Variants in C10orf53 observed in about 807,000 individuals in gnomAD.
The protein encoded by C10orf53 is chromosome 10 open reading frame 53, also known as UPF0728 protein C10orf53.
In C10orf53, 8 loss-of-function variants were observed where a neutral mutation model predicts 9.4. The ratio of observed to expected loss-of-function variants is 0.85; its 90% confidence interval spans 0.50 to 1.53. The LOEUF (loss-of-function observed/expected upper bound fraction) is 1.53. Among genes scored for constraint, C10orf53 ranks in the 40% most tolerant of loss-of-function variants. The pLI is 0.00. For missense variants in C10orf53, 117 were observed against 117.8 expected (o/e 0.99, Z 0.03); for synonymous variants, 48 against 46.0 (o/e 1.04, Z -0.18).
chr10:49,699,434 A>G (rs896588564), downstream of C10orf53, among the ~76,000 whole-genome samples: 1 of 151,748 alleles, frequency 6.6e-6, no homozygotes, highest in Non-Finnish European at 1.5e-5. Flanking sequence ...GGCTCAAGCA[A>G]TCCTCCTGCC....
intron 1 of C10orf53, among the ~76,000 whole-genome samples, chr10:49,690,982 C>T (rs1028484980): frequency 6.6e-6 from 1 of 152,198 alleles, no homozygotes; most frequent in Non-Finnish European, 1.5e-5. Context: ...TATTTAGATC[C>T]CCCTTGAAGA....
intron 1 of C10orf53, among the ~76,000 whole-genome samples, chr10:49,691,803 C>G (rs1276754500): frequency 6.6e-6 from 1 of 152,234 alleles, no homozygotes; most frequent in Non-Finnish European, 1.5e-5. Context: ...GGGCCTCCAC[C>G]CGTAGGGCTG....
intron 1 of C10orf53, among the ~76,000 whole-genome samples, chr10:49,685,382 A>C (rs567572963): frequency 1.4e-4 from 21 of 152,198 alleles, no homozygotes; most frequent in Non-Finnish European, 2.4e-4. Context: ...AGCATTTTTA[A>C]AGTAGACTAG....
chr10:49,701,053 ATATC>A (rs1382632009), downstream of C10orf53, among the ~76,000 whole-genome samples: 2 of 152,124 alleles, frequency 1.3e-5, no homozygotes, highest in African/African-American at 4.8e-5. Context: ...CTTTATTGAC[ATATC>A]TATTTATTAA....
chr10:49,708,349 C>T (rs1013393843), intron 2 of C10orf53: 1 of 1,612,692 alleles, frequency 6.2e-7, no homozygotes, highest in Non-Finnish European at 8.5e-7. Flanking sequence ...TCTCTGTTGT[C>T]TTTGTTCTCA....
intron 1 of C10orf53, among the ~76,000 whole-genome samples, chr10:49,691,638 G>A (rs571294125): frequency 6.6e-6 from 1 of 152,248 alleles, no homozygotes; most frequent in South Asian, 2.1e-4. Context: ...AACTCAATAG[G>A]GTAAGTGATT....
intron 1 of C10orf53, among the ~76,000 whole-genome samples, chr10:49,691,879 C>T (rs1840587586): frequency 6.6e-6 from 1 of 152,252 alleles, no homozygotes; most frequent in African/African-American, 2.4e-5. Context: ...TGGGTGTTAA[C>T]TGCCGAGTGG....
At chr10:49,707,588 T>C (rs1218377963) in intron 2 of C10orf53, among the ~76,000 whole-genome samples, 1 of 152,224 alleles carries the variant, frequency 6.6e-6, no homozygotes, top group African/African-American at 2.4e-5. Flanking sequence ...CTGATTCTTG[T>C]CTTTAAAATG....
chr10:49,700,602 C>T (rs1046668864), downstream of C10orf53, among the ~76,000 whole-genome samples: 1 of 152,176 alleles, frequency 6.6e-6, no homozygotes, highest in East Asian at 1.9e-4. Flanking sequence ...GTCCACTTCT[C>T]CCTGATTCTC....
Position 49,694,636 on chromosome 10 carries a change from A to T in C10orf53, c.*34A>T. 6.2e-7 allele frequency: 1 copy of T among 1,613,666 alleles called. No homozygotes were observed. The highest frequency in any genetic ancestry group is 1.7e-5 in the Admixed American group (1 of 60,020). On this transcript the variant is annotated 3_prime_UTR_variant, in exon 3 of 3. Transcript: ENST00000374111. ...TGGAACAGGCATCTCAAGTCGGCAC[A>T]ACAGCAGCTGCCCCAGCCATTCTAT... is the stretch of plus-strand genomic sequence containing the variant.
intron 2 of C10orf53, among the ~76,000 whole-genome samples, chr10:49,702,693 A>G (rs6537549): frequency 0.46 from 69,245 of 151,990 alleles, 16,185 homozygotes; most frequent in Middle Eastern, 0.5. Flanking sequence ...AATTGTGACA[A>G]TTCCATACAG....
intron 1 of C10orf53, among the ~76,000 whole-genome samples, chr10:49,692,267 T>C (rs116834696): frequency 0.015 from 2,335 of 152,352 alleles, 52 homozygotes; most frequent in African/African-American, 0.053. Flanking sequence ...TAGAGACGCA[T>C]TAGCTGACAT....
At chr10:49,680,622 A>G (rs1230606079) in intron 1 of C10orf53, among the ~76,000 whole-genome samples, 2 of 152,216 alleles carry the variant, frequency 1.3e-5, no homozygotes, top group African/African-American at 4.8e-5. Context: ...GCAGGGGATG[A>G]AGCTGTTGCT....
chr10:49,704,178 A>T (rs1295894778), intron 2 of C10orf53, among the ~76,000 whole-genome samples: 1 of 152,250 alleles, frequency 6.6e-6, no homozygotes, highest in Non-Finnish European at 1.5e-5. Context: ...AAATGATTAA[A>T]TTCAACTTCA....
exon 3 of C10orf53, chr10:49,709,845 C>T (rs987225029): frequency 2.0e-5 from 3 of 152,656 alleles, no homozygotes; most frequent in Admixed American, 6.5e-5. Flanking sequence ...CATAATCTTT[C>T]CCCTTCTCCC....
rs77343834 is a variant in C10orf53 at position 49,704,086 on chromosome 10, C to T, written c.218-4275C>T. The stretch of plus-strand genomic sequence containing the variant: ...AATACTTAAATGTAATAAAGAAAAT[C>T]ACAAACTTGAAACCTTTCATAAACT... On this transcript the variant is annotated intron_variant, in intron 2 of 2. Coordinates refer to the C10orf53 transcript ENST00000374112. Among the ~76,000 whole-genome samples the T allele has an allele frequency of 4.9e-3, 745 of 152,230 alleles. 3 individuals are homozygous for T. The highest frequency in any genetic ancestry group is 7.6e-3 in the Admixed American group (117 of 15,298).
chr10:49,686,625 C>G (rs2132876771), intron 1 of C10orf53, among the ~76,000 whole-genome samples: 1 of 152,278 alleles, frequency 6.6e-6, no homozygotes, highest in East Asian at 1.9e-4. Flanking sequence ...GATGGCTGCT[C>G]TAGGAGTATC....
At chr10:49,708,823 T>G in exon 3 of C10orf53, 1 of 684,294 alleles carries the variant, frequency 1.5e-6, no homozygotes, top group South Asian at 2.0e-5. Flanking sequence ...TACAACTGTA[T>G]TCCCGTGTTG....
chr10:49,685,405 T>C (rs908831661), intron 1 of C10orf53, among the ~76,000 whole-genome samples: 1 of 152,242 alleles, frequency 6.6e-6, no homozygotes, highest in Non-Finnish European at 1.5e-5. Context: ...TAAGCTATGA[T>C]GTTCAGTATG....
Sources: gnomAD v4.1 joint callset for allele counts (sites outside exome capture counted in the v4.1 genomes callset) on GRCh38, gnomAD v4.1.1 for gene constraint, MANE v1.5 for transcripts, NCBI Gene and HGNC (gene_info 2026-07-23, HGNC 2026-07-21) for gene names.